The following ETV6 variants were observed in gnomAD, a reference collection of about 807,000 sequenced individuals.
ETV6 encodes the protein transcription factor ETV6.
Under a neutral mutation model 51.1 loss-of-function variants are expected in ETV6, and 16 were observed. The observed-to-expected ratio is 0.31, with a 90% CI of 0.21 to 0.48. ETV6 has a LOEUF of 0.48. ETV6 is among the 20% of genes least tolerant of loss of function. The probability of loss-of-function intolerance (pLI) is 0.99; values close to 1 mark genes in which losing one functional copy is unlikely to be tolerated. For synonymous variants in ETV6, 240 were observed against 224.1 expected, an observed-to-expected ratio of 1.07 and a Z score of -0.64; for missense variants, 458 against 594.8, an observed-to-expected ratio of 0.77 and a Z score of 2.39.
chr12:11,892,162 T>TGCTCCATTCCA lies in ETV6; in HGVS notation c.*1117_*1127dup. On this transcript the variant is annotated 3_prime_UTR_variant, in exon 8 of 8. Coordinates refer to ENST00000396373, the MANE Select transcript of ETV6 (RefSeq NM_001987.5). Reference sequence around the variant, plus strand: ...CTAGTGAGAAAGAAAAGCTCCTCTCTGCTCCATTCCAAAGGCCATCTTGTG... The same window carrying TGCTCCATTCCA: ...CTAGTGAGAAAGAAAAGCTCCTCTCTGCTCCATTCCAGCTCCATTCCAAAGGCCATCTTGTG... 1 of 231,880 alleles carries TGCTCCATTCCA rather than the reference T, an allele frequency of 4.3e-6. No individual in the cohort carries two copies. Among genetic ancestry groups the TGCTCCATTCCA allele is most frequent in the Non-Finnish European group, 8.5e-6 (1 of 117,828 alleles). 14.4% of individuals were successfully genotyped at this position (231,880 alleles called of 1,614,324 possible). A position where few individuals can be genotyped will look rare whatever the true frequency, so the allele number is the denominator to read the frequency against.
intron 2 of ETV6, among the ~76,000 whole-genome samples, chr12:11,777,656 A>G (rs1376162598): frequency 1.3e-5 from 2 of 152,110 alleles, no homozygotes; most frequent in African/African-American, 4.8e-5. Flanking sequence ...CACCAGCTGT[A>G]CTGGGCCTTT....
intron 4 of ETV6, among the ~76,000 whole-genome samples, chr12:11,868,386 G>C (rs1012500291): frequency 1.3e-5 from 2 of 151,392 alleles, no homozygotes; most frequent in African/African-American, 2.4e-5. Context: ...GGTATCTCTT[G>C]GTTAGGAGTG....
At chr12:11,703,346 A>G (rs141418966) in intron 1 of ETV6, among the ~76,000 whole-genome samples, 1 of 151,954 alleles carries the variant, frequency 6.6e-6, no homozygotes, top group East Asian at 1.9e-4. Flanking sequence ...CCTTTACAAC[A>G]ATGTGTATAA....
intron 1 of ETV6, among the ~76,000 whole-genome samples, chr12:11,739,380 C>G (rs1217350110): frequency 1.3e-5 from 2 of 152,198 alleles, no homozygotes; most frequent in Non-Finnish European, 2.9e-5. Flanking sequence ...GCCCAGGTAT[C>G]CAACCTGCAG....
intron 3 of ETV6, among the ~76,000 whole-genome samples, chr12:11,849,951 G>T (rs1328494713): frequency 6.6e-6 from 1 of 152,132 alleles, no homozygotes; most frequent in Admixed American, 6.6e-5. Context: ...TGAGCCAGCC[G>T]CATTCCCTGA....
At chr12:11,718,021 T>G (rs1174190334) in intron 1 of ETV6, among the ~76,000 whole-genome samples, 1 of 152,170 alleles carries the variant, frequency 6.6e-6, no homozygotes, top group Non-Finnish European at 1.5e-5. Context: ...TAAAACAACC[T>G]TCTTCGAAAC....
At chr12:11,795,269 G>C (rs543064039) in intron 2 of ETV6, among the ~76,000 whole-genome samples, 137 of 152,368 alleles carry the variant, frequency 9.0e-4, no homozygotes, top group Admixed American at 1.6e-3. Flanking sequence ...ATAACTTAGA[G>C]AAAGCCCTGA....
At chr12:11,662,388 G>C (rs960575887) in intron 1 of ETV6, among the ~76,000 whole-genome samples, 1 of 152,246 alleles carries the variant, frequency 6.6e-6, no homozygotes, top group Non-Finnish European at 1.5e-5. Flanking sequence ...TCTTCTGACA[G>C]TCACTAGCCA....
chr12:11,785,428 C>G (rs1304609712), intron 2 of ETV6, among the ~76,000 whole-genome samples: 2 of 152,096 alleles, frequency 1.3e-5, no homozygotes, highest in Non-Finnish European at 1.5e-5. Context: ...GTATATTTTA[C>G]TTGTTTATTT....
rs879838779 is a variant in ETV6 at position 11,854,719 on chromosome 12, G to T, written c.463+1158G>T. 5.7e-4 allele frequency among the ~76,000 whole-genome samples: 86 copies of T among 152,144 alleles called. 1 individual carries two copies. The highest frequency in any genetic ancestry group is 1.1e-3 in the Non-Finnish European group (77 of 68,008). The stretch of plus-strand genomic sequence containing the variant: ...GGAGAACTTTGATTTCTGGAATATG[G>T]AGGAAAGAAATGGGAAGTCATTGGA... On this transcript the variant is annotated intron_variant, in intron 4 of 7. Coordinates refer to ENST00000396373, the MANE Select transcript of ETV6 (RefSeq NM_001987.5).
intron 2 of ETV6, among the ~76,000 whole-genome samples, chr12:11,834,719 A>T (rs1232657081): frequency 6.6e-6 from 1 of 152,260 alleles, no homozygotes; most frequent in African/African-American, 2.4e-5. Flanking sequence ...TCAGGAAGTT[A>T]CAAAATCTCA....
intron 2 of ETV6, among the ~76,000 whole-genome samples, chr12:11,754,419 C>T (rs1396816904): frequency 2.0e-5 from 3 of 152,338 alleles, no homozygotes; most frequent in South Asian, 2.1e-4. Flanking sequence ...GCTCCTGGTT[C>T]ACTTCTGGAT....
At chr12:11,855,862 T>C (rs1946626431) in intron 4 of ETV6, among the ~76,000 whole-genome samples, 1 of 152,174 alleles carries the variant, frequency 6.6e-6, no homozygotes, top group Admixed American at 6.5e-5. Context: ...ATTTCCGGCT[T>C]GCATAATAGC....
chr12:11,816,439 G>A (rs3782146), intron 2 of ETV6, among the ~76,000 whole-genome samples: 10,203 of 152,124 alleles, frequency 0.067, 545 homozygotes, highest in African/African-American at 0.15. Flanking sequence ...TAGAGACGGG[G>A]GTTTCACCAT....
chr12:11,769,341 G>A (rs944541780), intron 2 of ETV6, among the ~76,000 whole-genome samples: 6 of 151,666 alleles, frequency 4.0e-5, no homozygotes, highest in Non-Finnish European at 8.8e-5. Context: ...CTTCCCTGGA[G>A]AATATGGACT....
At chr12:11,687,431 G>A (rs1326525320) in intron 1 of ETV6, among the ~76,000 whole-genome samples, 2 of 151,722 alleles carry the variant, frequency 1.3e-5, no homozygotes, top group Non-Finnish European at 2.9e-5. Context: ...ATCCACCCGC[G>A]TCGGCCTCCC....
At chr12:11,736,738 G>T (rs1423405094) in intron 1 of ETV6, among the ~76,000 whole-genome samples, 1 of 152,178 alleles carries the variant, frequency 6.6e-6, no homozygotes, top group African/African-American at 2.4e-5. Context: ...TACTGGAGAG[G>T]AGATGGGGCA....
chr12:11,889,250 GAGAAGTTTGCC>G (rs1478027779), intron 7 of ETV6, among the ~76,000 whole-genome samples: 2 of 152,176 alleles, frequency 1.3e-5, no homozygotes, highest in African/African-American at 2.4e-5. Flanking sequence ...CATACTGCTG[GAGAAGTTTGCC>G]AGTAATGAGC....
intron 1 of ETV6, among the ~76,000 whole-genome samples, chr12:11,705,698 G>A (rs1003993768): frequency 1.3e-5 from 2 of 152,166 alleles, no homozygotes; most frequent in African/African-American, 4.8e-5. Flanking sequence ...TTATTTTTCG[G>A]GCATTTGACT....
Sources: gnomAD v4.1 joint callset for allele counts (sites outside exome capture counted in the v4.1 genomes callset) on GRCh38, gnomAD v4.1.1 for gene constraint, MANE v1.5 for transcripts, NCBI Gene and HGNC (gene_info 2026-07-23, HGNC 2026-07-21) for gene names.